UHRF2: variants seen among roughly 807,000 people sequenced by gnomAD.
The protein encoded by UHRF2 is E3 ubiquitin-protein ligase UHRF2.
In UHRF2, 23 loss-of-function variants were observed where a neutral mutation model predicts 96.8. That is an observed-to-expected ratio of 0.24 (90% confidence interval 0.17 to 0.34). The LOEUF is 0.34. UHRF2 is among the 10% of genes least tolerant of loss of function. The probability of loss-of-function intolerance (pLI) is 1.00; values close to 1 mark genes in which losing one functional copy is unlikely to be tolerated. For synonymous variants in UHRF2, 385 were observed against 332.6 expected (o/e 1.16, Z -1.72); for missense variants, 685 against 981.5 (o/e 0.70, Z 4.04).
At chr9:6,488,309 G>T (rs1464784059) in intron 9 of UHRF2, among the ~76,000 whole-genome samples, 1 of 109,068 alleles carries the variant, frequency 9.2e-6, no homozygotes, top group African/African-American at 3.5e-5. Context: ...AAAAAAAAAT[G>T]CGGGAAGGGG....
chr9:6,502,208 A>G (rs149001221), intron 14 of UHRF2, among the ~76,000 whole-genome samples: 3 of 152,334 alleles, frequency 2.0e-5, no homozygotes, highest in African/African-American at 4.8e-5. Context: ...CAGCAGCCCT[A>G]CCTACATCTG....
intron 10 of UHRF2, chr9:6,495,448 C>T (rs1824909655): frequency 6.6e-6 from 1 of 152,166 alleles, no homozygotes; most frequent in Non-Finnish European, 1.5e-5. Flanking sequence ...AACATGAAAA[C>T]TGAGGTGAAA....
intron 4 of UHRF2, among the ~76,000 whole-genome samples, chr9:6,470,531 C>T (rs553027781): frequency 1.2e-3 from 190 of 152,088 alleles, no homozygotes; most frequent in Non-Finnish European, 1.9e-3. Context: ...GAATGAGATT[C>T]CCGATGGAAC....
chr9:6,506,028 C>T lies in UHRF2; in HGVS notation c.2263-5C>T. Reference sequence around the variant, plus strand: ...TTAAATTGGATGTTTTTGTTTTTACCATAGGATTGCCTACAGCGCTCCTTT... The same window carrying T: ...TTAAATTGGATGTTTTTGTTTTTACTATAGGATTGCCTACAGCGCTCCTTT... On this transcript the variant is annotated splice_region_variant and splice_polypyrimidine_tract_variant and intron_variant, in intron 15 of 15. Coordinates refer to ENST00000276893, the MANE Select transcript of UHRF2 (RefSeq NM_152896.3). 1 of 1,613,324 alleles carries T rather than the reference C, an allele frequency of 6.2e-7. No individual in the cohort carries two copies. The highest frequency in any genetic ancestry group is 8.5e-7 in the Non-Finnish European group (1 of 1,179,690).
At chr9:6,436,117 A>G (rs1342455488) in intron 3 of UHRF2, among the ~76,000 whole-genome samples, 1 of 152,238 alleles carries the variant, frequency 6.6e-6, no homozygotes, top group Non-Finnish European at 1.5e-5. Flanking sequence ...ATATTATGCT[A>G]CCAAATTCTT....
At chr9:6,469,996 AAC>A (rs1394043610) in intron 4 of UHRF2, among the ~76,000 whole-genome samples, 1 of 152,166 alleles carries the variant, frequency 6.6e-6, no homozygotes, top group Non-Finnish European at 1.5e-5. Flanking sequence ...AACTAAAGAT[AAC>A]ACAGTGAAGA....
intron 9 of UHRF2, among the ~76,000 whole-genome samples, chr9:6,493,467 T>C (rs1169929622): frequency 6.6e-6 from 1 of 152,180 alleles, no homozygotes; most frequent in African/African-American, 2.4e-5. Flanking sequence ...ATAAAGAACC[T>C]ACAAGCTAGT....
At chr9:6,475,332 A>G (rs1699828577) in intron 4 of UHRF2, 59 bp from the exon 5 acceptor site, 1 of 1,005,268 alleles carries the variant, frequency 9.9e-7, no homozygotes, top group East Asian at 2.7e-5. Context: ...TTTAATTATT[A>G]TTTGTATATA....
intron 4 of UHRF2, among the ~76,000 whole-genome samples, chr9:6,470,312 G>T (rs1248969167): frequency 2.0e-5 from 3 of 150,854 alleles, no homozygotes; most frequent in Non-Finnish European, 4.4e-5. Context: ...GGTGGAGGTT[G>T]CAGTGAGCTG....
intron 4 of UHRF2, among the ~76,000 whole-genome samples, chr9:6,470,945 G>A (rs1394483289): frequency 6.6e-6 from 1 of 152,144 alleles, no homozygotes; most frequent in Non-Finnish European, 1.5e-5. Flanking sequence ...TATATTAACT[G>A]TGAGTCAAGC....
At position 6,413,647 on chromosome 9, in the gene UHRF2, A is replaced by C. The variant is rs2130692323; in HGVS notation, c.153+4A>C. ...CCTCTTCTACCGGGGCAAGCAGGTG[A>C]GGCGCGCCCGCCGCGCCCCTAGCGA... On this transcript the variant is annotated splice_donor_region_variant and intron_variant, in intron 1 of 15. Coordinates refer to ENST00000276893, the MANE Select transcript of UHRF2 (RefSeq NM_152896.3). 6.4e-7 allele frequency: 1 copy of C among 1,563,382 alleles called. No individual in the cohort carries two copies. The highest frequency in any genetic ancestry group is 8.6e-7 in the Non-Finnish European group (1 of 1,158,934).
intron 8 of UHRF2, among the ~76,000 whole-genome samples, chr9:6,484,953 C>G (rs1824178849): frequency 1.3e-5 from 2 of 151,768 alleles, no homozygotes; most frequent in Non-Finnish European, 2.9e-5. Flanking sequence ...GTCACCATGC[C>G]CAGCTAATTT....
At chr9:6,484,363 C>A (rs766944767) in intron 8 of UHRF2, among the ~76,000 whole-genome samples, 1 of 151,510 alleles carries the variant, frequency 6.6e-6, no homozygotes, top group African/African-American at 2.4e-5. Context: ...GGCTTAGTGG[C>A]GGCGGTGGTG....
rs571594726 is a variant in UHRF2, at chr9:6,453,452, G to A, written c.645-7121G>A. On this transcript the variant is annotated intron_variant, in intron 3 of 15. Transcript: ENST00000276893. ...ATTATCTGAAATAGAACAGGTTTCT[G>A]TCTTACATGGACTTAAGAATATTGA... is the stretch of plus-strand genomic sequence containing the variant. 1.1e-3 allele frequency among the ~76,000 whole-genome samples: 173 copies of A among 152,302 alleles called. 1 individual carries two copies. Among genetic ancestry groups the A allele is most frequent in the African/African-American group, 4.0e-3 (167 of 41,568 alleles).
intron 2 of UHRF2, among the ~76,000 whole-genome samples, chr9:6,433,660 T>G (rs1318875005): frequency 2.0e-5 from 3 of 152,210 alleles, no homozygotes; most frequent in African/African-American, 7.2e-5. Context: ...AGTGTATACG[T>G]CAGTAAGGCG....
At position 6,497,223 on chromosome 9, in the gene UHRF2, C is replaced by A; in HGVS notation, c.1630C>A (p.Pro544Thr). 6.2e-7 allele frequency: 1 copy of A among 1,613,826 alleles called. No homozygotes were observed. Among genetic ancestry groups the A allele is most frequent in the Non-Finnish European group, 8.5e-7 (1 of 1,179,866 alleles). ...GGCATTGGCCCTAAACTGTGATGCT[C>A]CATTGGATGATAAAATTGGAGCAGA... ...NRALALNCDA[P>T]LDDKIGAESR... The change falls in exon 11 of 16, where the codon CCA becomes ACA. Residue 544 changes from proline to threonine, a missense_variant. Coordinates refer to ENST00000276893, the MANE Select transcript of UHRF2 (RefSeq NM_152896.3).
At chr9:6,468,529 G>A in intron 4 of UHRF2, 1 of 456,044 alleles carries the variant, frequency 2.2e-6, no homozygotes, top group Non-Finnish European at 4.4e-6. Context: ...TTGCCCCTAG[G>A]GAATCTGCTA....
chr9:6,447,835 A>G (rs1281637377), intron 3 of UHRF2, among the ~76,000 whole-genome samples: 1 of 152,230 alleles, frequency 6.6e-6, no homozygotes. Flanking sequence ...AAGCCAACAA[A>G]CAAAGCAAGC....
chr9:6,443,544 T>C (rs1257562332), intron 3 of UHRF2, among the ~76,000 whole-genome samples: 3 of 152,190 alleles, frequency 2.0e-5, no homozygotes, highest in Admixed American at 2.0e-4. Flanking sequence ...GCATGTCAGT[T>C]TGTTTAAATA....
Sources: gnomAD v4.1 joint callset for allele counts (sites outside exome capture counted in the v4.1 genomes callset) on GRCh38, gnomAD v4.1.1 for gene constraint, MANE v1.5 for transcripts, NCBI Gene and HGNC (gene_info 2026-07-23, HGNC 2026-07-21) for gene names.